Variants in DCLK1 observed in about 807,000 individuals in gnomAD.
DCLK1 encodes doublecortin like kinase 1.
Under a neutral mutation model 86.2 loss-of-function variants are expected in DCLK1, and 16 were observed. The observed-to-expected ratio is 0.19, with a 90% CI of 0.13 to 0.28. The LOEUF (loss-of-function observed/expected upper bound fraction) is 0.28, where lower values mean the gene tolerates loss of function less well. Ranked by LOEUF, DCLK1 falls within the 10% of genes least tolerant of loss-of-function variation. The pLI is 1.00. For synonymous variants in DCLK1, 369 were observed against 370.5 expected (o/e 1.00, Z 0.05); for missense variants, 590 against 940.2 (o/e 0.63, Z 4.87).
At chr13:35,926,736 C>G (rs1161967589) in intron 4 of DCLK1, among the ~76,000 whole-genome samples, 1 of 152,202 alleles carries the variant, frequency 6.6e-6, no homozygotes, top group African/African-American at 2.4e-5. Context: ...TACATCATCT[C>G]TTTTGATCCT....
intron 6 of DCLK1, chr13:35,847,194 T>C (rs1870243974): frequency 2.0e-6 from 2 of 979,890 alleles, no homozygotes; most frequent in Non-Finnish European, 2.4e-6. Flanking sequence ...TGGATTTAGC[T>C]GAATTTCAAT....
intron 3 of DCLK1, among the ~76,000 whole-genome samples, chr13:36,029,348 T>C (rs529130227): frequency 3.9e-5 from 6 of 152,326 alleles, no homozygotes; most frequent in African/African-American, 1.4e-4. Context: ...TGGTTATCCA[T>C]TGGAAGTCTG....
intron 5 of DCLK1, among the ~76,000 whole-genome samples, chr13:35,864,564 C>CAAA (rs1191888940): frequency 3.4e-4 from 7 of 20,732 alleles, no homozygotes; most frequent in Non-Finnish European, 4.2e-4. Context: ...GACTCCGTCT[C>CAAA]AAAAAAAAAA....
At chr13:36,127,105 A>T (rs776533872) in intron 1 of DCLK1, among the ~76,000 whole-genome samples, 1 of 152,250 alleles carries the variant, frequency 6.6e-6, no homozygotes, top group Non-Finnish European at 1.5e-5. Flanking sequence ...CATAACAGTC[A>T]GATTGTAAAA....
intron 6 of DCLK1, among the ~76,000 whole-genome samples, chr13:35,844,306 C>A (rs895671209): frequency 6.6e-6 from 1 of 152,034 alleles, no homozygotes; most frequent in African/African-American, 2.4e-5. Flanking sequence ...GAGGAGAAAA[C>A]GCGAATGGAA....
rs1205382717 is a variant in DCLK1 at position 35,768,891 on chromosome 13, T to C, written c.*5644A>G. On this transcript the variant is annotated 3_prime_UTR_variant, in exon 17 of 17. Transcript: ENST00000360631. ...GCTATTCCTTCGTGAACTGAATGTG[T>C]CAATTGTGAATTGAACTAAGGTGAA... 6.6e-6 allele frequency: 1 copy of C among 152,224 alleles called. No homozygotes were observed. The highest frequency in any genetic ancestry group is 1.5e-5 in the Non-Finnish European group (1 of 68,038). 9.4% of individuals were successfully genotyped at this position (152,224 alleles called of 1,614,324 possible).
At chr13:35,992,742 A>C (rs1880291896) in intron 3 of DCLK1, among the ~76,000 whole-genome samples, 1 of 152,130 alleles carries the variant, frequency 6.6e-6, no homozygotes, top group African/African-American at 2.4e-5. Flanking sequence ...CCAGTGTAGC[A>C]TTTGTCTTGG....
At chr13:35,944,942 C>T (rs952422268) in intron 4 of DCLK1, among the ~76,000 whole-genome samples, 1 of 152,028 alleles carries the variant, frequency 6.6e-6, no homozygotes, top group Non-Finnish European at 1.5e-5. Context: ...GCTCTTGTTA[C>T]CCAGGCTGGA....
chr13:35,892,342 A>C (rs1288363085), intron 4 of DCLK1, among the ~76,000 whole-genome samples: 1 of 152,186 alleles, frequency 6.6e-6, no homozygotes, highest in Non-Finnish European at 1.5e-5. Flanking sequence ...TAATCACTAC[A>C]TTATTAACCC....
At chr13:35,937,932 A>G (rs1347832088) in intron 4 of DCLK1, among the ~76,000 whole-genome samples, 3 of 152,076 alleles carry the variant, frequency 2.0e-5, no homozygotes, top group Non-Finnish European at 4.4e-5. Flanking sequence ...GGATAGGAGG[A>G]ACCTGGGCCT....
intron 3 of DCLK1, among the ~76,000 whole-genome samples, chr13:36,007,356 T>C (rs1881023285): frequency 6.6e-6 from 1 of 152,214 alleles, no homozygotes. Flanking sequence ...TGTTCTAGAA[T>C]AGTGTTAGTA....
At chr13:35,870,043 T>G (rs528646823) in intron 5 of DCLK1, among the ~76,000 whole-genome samples, 3 of 152,186 alleles carry the variant, frequency 2.0e-5, no homozygotes, top group Non-Finnish European at 4.4e-5. Flanking sequence ...CCTATCTACA[T>G]GAGCAGTGTC....
chr13:35,826,458 G>T (rs1391567154), intron 10 of DCLK1, among the ~76,000 whole-genome samples: 4 of 149,342 alleles, frequency 2.7e-5, no homozygotes, highest in African/African-American at 7.4e-5. Flanking sequence ...AGGAGGCAGA[G>T]GTTGCCGTGA....
intron 4 of DCLK1, among the ~76,000 whole-genome samples, chr13:35,875,748 G>C (rs1158602288): frequency 1.3e-5 from 2 of 152,182 alleles, no homozygotes; most frequent in East Asian, 3.9e-4. Flanking sequence ...ATACTAACTA[G>C]TCCCTGCCAT....
chr13:35,999,598 C>CT (rs1342341030), intron 3 of DCLK1, among the ~76,000 whole-genome samples: 1 of 152,196 alleles, frequency 6.6e-6, no homozygotes, highest in African/African-American at 2.4e-5. Context: ...ATCAGGGAGA[C>CT]AGACTCTTTC....
intron 4 of DCLK1, among the ~76,000 whole-genome samples, chr13:35,900,510 G>T (rs1354565567): frequency 6.6e-6 from 1 of 152,110 alleles, no homozygotes; most frequent in Non-Finnish European, 1.5e-5. Flanking sequence ...CAAAAGTGTT[G>T]GGATTTGTAC....
intron 3 of DCLK1, among the ~76,000 whole-genome samples, chr13:36,030,811 G>A (rs1403165106): frequency 6.6e-6 from 1 of 152,126 alleles, no homozygotes; most frequent in Non-Finnish European, 1.5e-5. Context: ...CAGAGAGGCA[G>A]GTCCCAGGGA....
At chr13:36,035,445 A>G (rs901081239) in intron 3 of DCLK1, among the ~76,000 whole-genome samples, 1 of 152,186 alleles carries the variant, frequency 6.6e-6, no homozygotes, top group Non-Finnish European at 1.5e-5. Flanking sequence ...ATCATTTTTT[A>G]AAGTTTATAT....
chr13:35,935,871 T>A (rs1024637685), intron 4 of DCLK1, among the ~76,000 whole-genome samples: 6 of 152,156 alleles, frequency 3.9e-5, no homozygotes, highest in African/African-American at 1.4e-4. Context: ...TTGGGAAAAT[T>A]ATACATCCTT....
Sources: allele counts gnomAD v4.1 joint callset (sites outside exome capture counted in the v4.1 genomes callset), GRCh38; gene constraint gnomAD v4.1.1; transcripts MANE v1.5; gene names NCBI Gene and HGNC (gene_info 2026-07-23, HGNC 2026-07-21).